Variants in TSPAN5 observed in about 807,000 individuals in gnomAD.
TSPAN5 encodes tetraspanin-5.
TSPAN5 carries 10 observed loss-of-function variants against 37.1 expected under a neutral mutation model. The ratio of observed to expected loss-of-function variants is 0.27; its 90% CI spans 0.17 to 0.46. The LOEUF (loss-of-function observed/expected upper bound fraction) is 0.46, where lower values mean the gene tolerates loss of function less well. TSPAN5 is among the 20% of genes least tolerant of loss of function. The pLI is 1.00. For synonymous variants in TSPAN5, 110 were observed against 118.9 expected (o/e 0.93, Z 0.48); for missense variants, 195 against 326.6 (o/e 0.60, Z 3.11).
intron 1 of TSPAN5, among the ~76,000 whole-genome samples, chr4:98,578,516 C>G (rs1755297955): frequency 6.6e-6 from 1 of 152,112 alleles, no homozygotes. Flanking sequence ...ACCTCCGTCT[C>G]CTGGGTTCAA....
At chr4:98,598,238 G>A (rs1322129837) in intron 1 of TSPAN5, among the ~76,000 whole-genome samples, 1 of 142,364 alleles carries the variant, frequency 7.0e-6, no homozygotes, top group Non-Finnish European at 1.5e-5. Context: ...ACTCGGAAAG[G>A]GAACTCCCTG....
At chr4:98,505,422 C>T (rs1753456730) in intron 2 of TSPAN5, among the ~76,000 whole-genome samples, 1 of 152,122 alleles carries the variant, frequency 6.6e-6, no homozygotes, top group Non-Finnish European at 1.5e-5. Context: ...TCACCAAAGT[C>T]CCTGCCTCAG....
At chr4:98,605,795 A>C (rs1756026695) in intron 1 of TSPAN5, among the ~76,000 whole-genome samples, 1 of 152,104 alleles carries the variant, frequency 6.6e-6, no homozygotes, top group Admixed American at 6.5e-5. Context: ...TGTGTTTTTG[A>C]TACTATATCT....
intron 1 of TSPAN5, among the ~76,000 whole-genome samples, chr4:98,579,673 G>C (rs1183198243): frequency 6.6e-6 from 1 of 152,192 alleles, no homozygotes; most frequent in African/African-American, 2.4e-5. Context: ...TTCACACACA[G>C]CTATCACTTC....
At chr4:98,500,774 C>T (rs1192848658) in intron 2 of TSPAN5, among the ~76,000 whole-genome samples, 1 of 152,152 alleles carries the variant, frequency 6.6e-6, no homozygotes, top group Non-Finnish European at 1.5e-5. Flanking sequence ...AGCTTCTGGG[C>T]ATCCATTGTG....
intron 1 of TSPAN5, among the ~76,000 whole-genome samples, chr4:98,541,694 AAG>A (rs1553912684): frequency 2.1e-5 from 2 of 95,264 alleles, no homozygotes; most frequent in Non-Finnish European, 4.2e-5. Flanking sequence ...AAAAAAAAAA[AAG>A]AGAGAGAGAG....
intron 5 of TSPAN5, among the ~76,000 whole-genome samples, chr4:98,478,365 A>C (rs1752753536): frequency 6.6e-6 from 1 of 152,264 alleles, no homozygotes; most frequent in African/African-American, 2.4e-5. Context: ...AGCTTGGGAA[A>C]GTCACTTACA....
chr4:98,624,704 A>G (rs1035254684), intron 1 of TSPAN5, among the ~76,000 whole-genome samples: 3 of 152,240 alleles, frequency 2.0e-5, no homozygotes, highest in Non-Finnish European at 4.4e-5. Context: ...GGAGAACTAT[A>G]AGAGCAGTAA....
chr4:98,476,465 T>C lies in TSPAN5; in HGVS notation c.577-5A>G, dbSNP rs1277508521. The stretch of plus-strand genomic sequence containing the variant: ...CTGAGTGTTGATGACATCTTCCTGG[T>C]GAAGAAAGGAAAGAGAAAAGTGAAA... On this transcript the variant is annotated splice_polypyrimidine_tract_variant and splice_region_variant and intron_variant, in intron 5 of 7. Transcript: ENST00000305798. The C allele has an allele frequency of 6.2e-7, 1 of 1,613,904 alleles. No individual in the cohort carries two copies. The highest frequency in any genetic ancestry group is 1.1e-5 in the South Asian group (1 of 91,024).
intron 1 of TSPAN5, among the ~76,000 whole-genome samples, chr4:98,512,246 T>C (rs1753624907): frequency 1.3e-5 from 2 of 152,066 alleles, no homozygotes; most frequent in Admixed American, 6.5e-5. Context: ...ATTTTAAGTA[T>C]TCCTCCCAAG....
chr4:98,584,817 G>A (rs1200117656), intron 1 of TSPAN5, among the ~76,000 whole-genome samples: 1 of 152,182 alleles, frequency 6.6e-6, no homozygotes, highest in Non-Finnish European at 1.5e-5. Context: ...CAAGAGAATT[G>A]AATGTGTCTT....
chr4:98,606,434 C>T (rs767458968), intron 1 of TSPAN5, among the ~76,000 whole-genome samples: 16 of 152,200 alleles, frequency 1.1e-4, no homozygotes, highest in Non-Finnish European at 2.1e-4. Flanking sequence ...AAACATCTTT[C>T]CACACTACAT....
chr4:98,479,017 C>T (rs1433368618), intron 4 of TSPAN5, among the ~76,000 whole-genome samples: 8 of 152,120 alleles, frequency 5.3e-5, no homozygotes, highest in Admixed American at 3.3e-4. Context: ...TGTGTTGGCA[C>T]GTGATTTAAA....
intron 1 of TSPAN5, among the ~76,000 whole-genome samples, chr4:98,582,368 C>A (rs1755388843): frequency 6.6e-6 from 1 of 152,130 alleles, no homozygotes; most frequent in Admixed American, 6.5e-5. Context: ...GGATGCTGAG[C>A]CTTAACCACT....
intron 1 of TSPAN5, among the ~76,000 whole-genome samples, chr4:98,552,755 C>G (rs1445682531): frequency 6.6e-6 from 1 of 152,126 alleles, no homozygotes. Context: ...ACCTTGAAAC[C>G]ACATGAGGAT....
intron 2 of TSPAN5, among the ~76,000 whole-genome samples, chr4:98,492,904 A>C (rs971402200): frequency 1.3e-5 from 2 of 152,192 alleles, no homozygotes; most frequent in Non-Finnish European, 2.9e-5. Context: ...CCAACTTTTA[A>C]AACCTCAAAC....
chr4:98,487,238 G>GAAAAAAAAAAAAAAA (rs11318498), intron 2 of TSPAN5, among the ~76,000 whole-genome samples: 1 of 130,406 alleles, frequency 7.7e-6, no homozygotes, highest in Non-Finnish European at 1.6e-5. Context: ...TATATGTAGA[G>GAAAAAAAAAAAAAAA]AAAAAAAAAA....
chr4:98,598,785 G>T (rs1169696613), intron 1 of TSPAN5, among the ~76,000 whole-genome samples: 1 of 152,130 alleles, frequency 6.6e-6, no homozygotes, highest in Non-Finnish European at 1.5e-5. Context: ...AATTTTTTAT[G>T]TGCCTTAGTT....
At chr4:98,478,873 C>A (rs528604659) in intron 4 of TSPAN5, 63 bp from the exon 5 acceptor site, 1 of 1,589,432 alleles carries the variant, frequency 6.3e-7, no homozygotes, top group Non-Finnish European at 8.6e-7. Context: ...CCTACACTCA[C>A]ACCCGCCGAA....
Sources: allele counts gnomAD v4.1 joint callset (sites outside exome capture counted in the v4.1 genomes callset), GRCh38; gene constraint gnomAD v4.1.1; transcripts MANE v1.5; gene names NCBI Gene and HGNC (gene_info 2026-07-23, HGNC 2026-07-21).